Variants in COLEC12 observed in about 807,000 individuals in gnomAD.
COLEC12 encodes the protein collectin-12.
COLEC12 carries 33 observed loss-of-function variants against 71.1 expected under a neutral mutation model. The observed-to-expected ratio is 0.46, with a 90% CI of 0.35 to 0.62. The LOEUF (loss-of-function observed/expected upper bound fraction) is 0.62. COLEC12 is among the 20% of genes least tolerant of loss of function. The pLI is 0.00. For synonymous variants in COLEC12, 350 were observed against 353.0 expected (o/e 0.99, Z 0.10); for missense variants, 765 against 916.1 (o/e 0.84, Z 2.13).
intron 3 of COLEC12, among the ~76,000 whole-genome samples, chr18:354,795 GA>G (rs1914595369): frequency 6.6e-6 from 1 of 152,100 alleles, no homozygotes; most frequent in African/African-American, 2.4e-5. Context: ...GGGGGGCACT[GA>G]AGGAAAGAAA....
At chr18:387,684 TTAAAAA>T (rs1915374821) in intron 2 of COLEC12, among the ~76,000 whole-genome samples, 1 of 152,210 alleles carries the variant, frequency 6.6e-6, no homozygotes, top group African/African-American at 2.4e-5. Flanking sequence ...TTCATAACTC[TTAAAAA>T]TAAATATGTA....
intron 2 of COLEC12, among the ~76,000 whole-genome samples, chr18:435,918 C>T (rs542430426): frequency 5.3e-5 from 8 of 152,286 alleles, no homozygotes; most frequent in Admixed American, 3.9e-4. Context: ...AAGACTCAGA[C>T]GGCATTTCTG....
chr18:389,820 A>G (rs1915424295), intron 2 of COLEC12, among the ~76,000 whole-genome samples: 1 of 152,122 alleles, frequency 6.6e-6, no homozygotes, highest in South Asian at 2.1e-4. Flanking sequence ...AACTCAGAAG[A>G]GTACTTCTGA....
rs150314959 is a variant in COLEC12, at chr18:329,131, T to A, written c.2063+2537A>T. The stretch of plus-strand genomic sequence containing the variant: ...GACGTCATTCTTCTCAGGTCCTGGG[T>A]ACCAAGCGGGTGCGCTCCATCCAGA... On this transcript the variant is annotated intron_variant, in intron 8 of 9. Coordinates refer to ENST00000400256, the MANE Select transcript of COLEC12 (RefSeq NM_130386.3). 3.8e-3 allele frequency among the ~76,000 whole-genome samples: 578 copies of A among 152,230 alleles called. 6 individuals carry two copies. Among genetic ancestry groups the A allele is most frequent in the African/African-American group, 0.013 (543 of 41,554 alleles).
At chr18:443,640 C>T (rs1297986051) in intron 2 of COLEC12, among the ~76,000 whole-genome samples, 1 of 152,158 alleles carries the variant, frequency 6.6e-6, no homozygotes, top group Non-Finnish European at 1.5e-5. Flanking sequence ...GGAAATCTAC[C>T]ATGTGGCTGG....
At chr18:419,153 A>C (rs1394942345) in intron 2 of COLEC12, among the ~76,000 whole-genome samples, 4 of 20,174 alleles carry the variant, frequency 2.0e-4, no homozygotes, top group Non-Finnish European at 4.4e-4. Flanking sequence ...TCATACTTCT[A>C]TTCTATTCTA....
chr18:455,688 C>T (rs1916856931), intron 2 of COLEC12, among the ~76,000 whole-genome samples: 1 of 151,864 alleles, frequency 6.6e-6, no homozygotes, highest in South Asian at 2.1e-4. Flanking sequence ...TGACATTCCC[C>T]TCCCTGTGTC....
At chr18:483,799 C>T (rs548749118) in intron 1 of COLEC12, among the ~76,000 whole-genome samples, 2 of 152,322 alleles carry the variant, frequency 1.3e-5, no homozygotes, top group Non-Finnish European at 2.9e-5. Context: ...CGCTGACCTG[C>T]TGCGTCTGCT....
At chr18:409,941 A>C (rs1156273147) in intron 2 of COLEC12, among the ~76,000 whole-genome samples, 2 of 152,154 alleles carry the variant, frequency 1.3e-5, no homozygotes, top group Admixed American at 1.3e-4. Context: ...GGGGAGAAAA[A>C]TGTGGGCAAA....
At chr18:417,644 A>G (rs1032453863) in intron 2 of COLEC12, among the ~76,000 whole-genome samples, 2 of 152,184 alleles carry the variant, frequency 1.3e-5, no homozygotes, top group African/African-American at 4.8e-5. Flanking sequence ...AAGTGGACAC[A>G]GTAGAGGTGC....
At chr18:483,820 T>C (rs868493878) in intron 1 of COLEC12, among the ~76,000 whole-genome samples, 3 of 152,198 alleles carry the variant, frequency 2.0e-5, no homozygotes, top group South Asian at 2.1e-4. Flanking sequence ...TAGATATCCA[T>C]TCGTTTGTTT....
chr18:398,236 C>T (rs774673182), intron 2 of COLEC12, among the ~76,000 whole-genome samples: 2 of 152,120 alleles, frequency 1.3e-5, no homozygotes, highest in Non-Finnish European at 2.9e-5. Flanking sequence ...GTCTTAATAC[C>T]TTCAGTAAAT....
intron 2 of COLEC12, among the ~76,000 whole-genome samples, chr18:464,528 C>T (rs1024868096): frequency 6.6e-6 from 1 of 152,198 alleles, no homozygotes; most frequent in Non-Finnish European, 1.5e-5. Context: ...AAACAGTCAT[C>T]CCTCTTTACT....
chr18:366,832 C>T (rs999469253), intron 2 of COLEC12, among the ~76,000 whole-genome samples: 5 of 152,126 alleles, frequency 3.3e-5, no homozygotes, highest in Non-Finnish European at 7.3e-5. Context: ...TCCTGTGGGC[C>T]GGGGTATGGA....
At chr18:464,308 C>T (rs1368986838) in intron 2 of COLEC12, among the ~76,000 whole-genome samples, 2 of 152,204 alleles carry the variant, frequency 1.3e-5, no homozygotes, top group African/African-American at 4.8e-5. Context: ...CACAGCATCT[C>T]GCGACAGTCT....
chr18:467,373 T>C (rs187916854), intron 2 of COLEC12, among the ~76,000 whole-genome samples: 4 of 152,248 alleles, frequency 2.6e-5, no homozygotes, highest in Non-Finnish European at 4.4e-5. Flanking sequence ...ATATGGATTC[T>C]AATACTTGAA....
rs1381961626 is a variant in COLEC12, at chr18:357,535, T to C, written c.59-13A>G. 2 of 1,513,842 alleles carry C rather than the reference T, an allele frequency of 1.3e-6. No individual in the cohort carries two copies. Among genetic ancestry groups the C allele is most frequent in the African/African-American group, 2.8e-5 (2 of 71,046 alleles). 93.8% of individuals were successfully genotyped at this position (1,513,842 alleles called of 1,614,324 possible). A position where few individuals can be genotyped will look rare whatever the true frequency, so the allele number is the denominator to read the frequency against. On this transcript the variant is annotated splice_polypyrimidine_tract_variant and intron_variant, in intron 2 of 9. Coordinates refer to ENST00000400256, the MANE Select transcript of COLEC12 (RefSeq NM_130386.3). Reference sequence around the variant, plus strand: ...CCTTCCTGAATACCTGTAAGAGAAGTCAAATTTTAATAACAGTAAGCAAAG... The same window carrying C: ...CCTTCCTGAATACCTGTAAGAGAAGCCAAATTTTAATAACAGTAAGCAAAG...
intron 2 of COLEC12, among the ~76,000 whole-genome samples, chr18:463,059 T>C (rs1164109805): frequency 6.6e-6 from 1 of 152,198 alleles, no homozygotes; most frequent in Non-Finnish European, 1.5e-5. Context: ...TGGCAGGTTC[T>C]GAAGAAGCCC....
chr18:347,267 G>A lies in COLEC12; in HGVS notation c.355C>T (p.Arg119Cys), dbSNP rs555229244. ...TCTGTAATCTCACGAAGTTGCTGAC[G>A]GAGATCTAGAATGTCTGATCTGAAG... The part of the protein sequence containing the change: ...STFRSDILDL[R>C]QQLREITEKT... Residue 119 changes from arginine to cysteine, a missense_variant, in exon 5 of 10, where the codon CGT (arginine) becomes TGT (cysteine). Transcript: ENST00000400256. 3.1e-6 allele frequency: 5 copies of A among 1,614,080 alleles called. No homozygotes were observed. The highest frequency in any genetic ancestry group is 2.2e-5 in the South Asian group (2 of 91,066).
Sources: gnomAD v4.1 joint callset for allele counts (sites outside exome capture counted in the v4.1 genomes callset) on GRCh38, gnomAD v4.1.1 for gene constraint, MANE v1.5 for transcripts, NCBI Gene and HGNC (gene_info 2026-07-23, HGNC 2026-07-21) for gene names.